Variants in ANTXR1 observed in about 807,000 individuals in gnomAD.
The protein encoded by ANTXR1 is anthrax toxin receptor 1.
Under a neutral mutation model 78.1 loss-of-function variants are expected in ANTXR1, and 19 were observed. The observed-to-expected ratio is 0.24, with a 90% confidence interval of 0.17 to 0.36. The LOEUF (loss-of-function observed/expected upper bound fraction) is 0.36. Among genes scored for constraint, ANTXR1 ranks in the 10% least tolerant of loss-of-function variants. ANTXR1 has a pLI of 1.00. For missense variants in ANTXR1, 518 were observed against 718.6 expected (o/e 0.72, Z 3.19); for synonymous variants, 273 against 260.5 (o/e 1.05, Z -0.46).
intron 14 of ANTXR1, chr2:69,172,285 T>A: frequency 8.5e-7 from 1 of 1,179,904 alleles, no homozygotes; most frequent in Non-Finnish European, 1.3e-6. Context: ...CAGGCGCTTT[T>A]TGGCATGTGC....
chr2:69,031,937 G>A (rs1286295016), intron 1 of ANTXR1, among the ~76,000 whole-genome samples: 1 of 152,098 alleles, frequency 6.6e-6, no homozygotes, highest in African/African-American at 2.4e-5. Context: ...GACTGACCAG[G>A]GTCACTTTCT....
At position 69,248,673 on chromosome 2, in the gene ANTXR1, A is replaced by G. The variant is rs1304560011; in HGVS notation, c.*3188A>G. The G allele has an allele frequency of 6.6e-6, 1 of 152,248 alleles. No homozygotes were observed. Among genetic ancestry groups the G allele is most frequent in the African/African-American group, 2.4e-5 (1 of 41,462 alleles). The allele number at this position is 152,248 out of a possible 1,614,324, so 9.4% of individuals were successfully genotyped here. On this transcript the variant is annotated 3_prime_UTR_variant, in exon 18 of 18. Transcript: ENST00000303714. The stretch of plus-strand genomic sequence containing the variant: ...ATGATCTTGAAGTGTCACATACACT[A>G]AAGTCCAAACACTATGTCAGATGGG...
At chr2:69,070,515 G>A in intron 3 of ANTXR1, 132 bp from the exon 4 acceptor site, 1 of 823,822 alleles carries the variant, frequency 1.2e-6, no homozygotes, top group Non-Finnish European at 2.1e-6. Flanking sequence ...CCTTCCCTTT[G>A]ATAGGCTTTT....
intron 1 of ANTXR1, among the ~76,000 whole-genome samples, chr2:69,034,765 T>C: frequency 6.6e-6 from 1 of 152,202 alleles, no homozygotes; most frequent in Non-Finnish European, 1.5e-5. Flanking sequence ...GCTTTGGTGA[T>C]AATGAGTGGG....
intron 10 of ANTXR1, among the ~76,000 whole-genome samples, chr2:69,113,416 C>T (rs78337335): frequency 0.032 from 4,876 of 152,262 alleles, 267 homozygotes; most frequent in African/African-American, 0.11. Context: ...TTCAAACTGA[C>T]ATTCTTTAAA....
intron 10 of ANTXR1, among the ~76,000 whole-genome samples, chr2:69,115,809 C>T (rs1398082486): frequency 6.6e-6 from 1 of 152,202 alleles, no homozygotes; most frequent in African/African-American, 2.4e-5. Context: ...TGTAACAATA[C>T]CAGGTCAGGG....
At position 69,013,712 on chromosome 2, in the gene ANTXR1, G is replaced by T. The variant is rs1573764508; in HGVS notation, c.152+61G>T. 2.6e-6 allele frequency: 4 copies of T among 1,550,922 alleles called. No homozygotes were observed. In the South Asian group the frequency reaches 4.8e-5, roughly 18 times the overall value. ...AAGCGGGCGAAAACGCTTTCGCCCC[G>T]GGCCGGGCTCGTTGGCAGGGTCGCC... On this transcript the variant is annotated intron_variant, in intron 1 of 17. Transcript: ENST00000303714. This position sits in a 1 kb window ranked among gnomAD's most constrained non-coding sequence, Gnocchi z 5.0.
chr2:69,151,101 ATTAT>A (rs1380549282), intron 12 of ANTXR1, among the ~76,000 whole-genome samples: 2 of 151,004 alleles, frequency 1.3e-5, no homozygotes, highest in Non-Finnish European at 2.9e-5. Flanking sequence ...TCTGTAATGC[ATTAT>A]TTAACTTTCC....
At chr2:69,206,980 A>G (rs1269236600) in intron 17 of ANTXR1, among the ~76,000 whole-genome samples, 1 of 152,220 alleles carries the variant, frequency 6.6e-6, no homozygotes, top group Non-Finnish European at 1.5e-5. Flanking sequence ...GAAGGCTTCC[A>G]AAAAGGTTAC....
chr2:69,102,443 G>T (rs6735720), intron 9 of ANTXR1, among the ~76,000 whole-genome samples: 6,609 of 152,338 alleles, frequency 0.043, 485 homozygotes, highest in African/African-American at 0.15. Context: ...CACAGAGGAG[G>T]TGAGTTGATT....
intron 3 of ANTXR1, among the ~76,000 whole-genome samples, chr2:69,051,061 T>C (rs1390441112): frequency 6.6e-6 from 1 of 152,144 alleles, no homozygotes; most frequent in Non-Finnish European, 1.5e-5. Flanking sequence ...TGAGGCAGGC[T>C]GATCACTTGA....
intron 17 of ANTXR1, among the ~76,000 whole-genome samples, chr2:69,203,927 G>A (rs536754007): frequency 6.6e-6 from 1 of 152,300 alleles, no homozygotes; most frequent in South Asian, 2.1e-4. Context: ...ACCAGACAGG[G>A]ATGGGAATAA....
At position 69,245,206 on chromosome 2, in the gene ANTXR1, C is replaced by T; in HGVS notation, c.1435-19C>T. ...TGAGGCCGTCCGCTCACGTTTCCTT[C>T]TCTCCAATTCTTTTCTAGGGGCGCT... On this transcript the variant is annotated intron_variant, in intron 17 of 17. Transcript: ENST00000303714. The T allele has an allele frequency of 6.2e-7, 1 of 1,614,052 alleles. No individual in the cohort carries two copies. The highest frequency in any genetic ancestry group is 1.1e-5 in the South Asian group (1 of 91,074).
intron 1 of ANTXR1, among the ~76,000 whole-genome samples, chr2:69,022,293 C>T (rs1229644655): frequency 2.0e-5 from 3 of 152,104 alleles, no homozygotes; most frequent in Non-Finnish European, 2.9e-5. Flanking sequence ...TTTGATGGGA[C>T]GGTGTTTCAT....
intron 13 of ANTXR1, among the ~76,000 whole-genome samples, chr2:69,152,736 T>G (rs563534962): frequency 1.5e-4 from 23 of 152,348 alleles, no homozygotes; most frequent in Non-Finnish European, 2.4e-4. Flanking sequence ...TTTTCAACAA[T>G]GAAGAATGGC....
At chr2:69,120,960 C>A (rs1204589619) in intron 10 of ANTXR1, among the ~76,000 whole-genome samples, 5 of 152,214 alleles carry the variant, frequency 3.3e-5, no homozygotes, top group African/African-American at 9.6e-5. Flanking sequence ...AACAGCCTCA[C>A]TGGCCCTCTT....
chr2:69,045,606 G>C (rs1234219981), intron 3 of ANTXR1, among the ~76,000 whole-genome samples: 2 of 152,126 alleles, frequency 1.3e-5, no homozygotes, highest in East Asian at 3.9e-4. Flanking sequence ...CAGTACAGGG[G>C]GGGCAGGAAG....
At chr2:69,029,465 C>T (rs1201913875) in intron 1 of ANTXR1, among the ~76,000 whole-genome samples, 1 of 151,390 alleles carries the variant, frequency 6.6e-6, no homozygotes, top group Non-Finnish European at 1.5e-5. Context: ...AGGTAAAATA[C>T]TCAGCCTAAT....
intron 1 of ANTXR1, among the ~76,000 whole-genome samples, chr2:69,023,474 GTGA>G (rs1408368674): frequency 2.1e-5 from 3 of 145,952 alleles, no homozygotes; most frequent in Non-Finnish European, 3.0e-5. Flanking sequence ...GGTGGTGGTA[GTGA>G]TGATGGTGAT....
Sources: allele counts gnomAD v4.1 joint callset (sites outside exome capture counted in the v4.1 genomes callset), GRCh38; gene constraint gnomAD v4.1.1; non-coding constraint Gnocchi (gnomAD v3.1); transcripts MANE v1.5; gene names NCBI Gene and HGNC (gene_info 2026-07-23, HGNC 2026-07-21).